GLE1: variants seen among roughly 807,000 people sequenced by gnomAD.
GLE1 encodes GLE1 RNA export mediator.
In GLE1, 78 loss-of-function variants were observed where a neutral mutation model predicts 97.3. The observed-to-expected ratio is 0.80, with a 90% confidence interval of 0.67 to 0.97. The LOEUF (loss-of-function observed/expected upper bound fraction) is 0.97, where lower values mean the gene tolerates loss of function less well. Ranked by LOEUF, GLE1 falls within the 50% of genes least tolerant of loss-of-function variation. The probability of loss-of-function intolerance (pLI) is 0.00; values close to 1 mark genes in which losing one functional copy is unlikely to be tolerated. For missense variants in GLE1, 753 were observed against 857.5 expected (o/e 0.88, Z 1.52); for synonymous variants, 302 against 313.4 (o/e 0.96, Z 0.39).
At chr9:128,530,856 C>T (rs1847477379) in intron 9 of GLE1, among the ~76,000 whole-genome samples, 1 of 147,110 alleles carries the variant, frequency 6.8e-6, no homozygotes, top group African/African-American at 2.5e-5. Context: ...TTGCAGTGCG[C>T]CGAGATAGCA....
At position 128,523,260 on chromosome 9, in the gene GLE1, C is replaced by T; in HGVS notation, c.582-20C>T. The T allele has an allele frequency of 6.3e-7, 1 of 1,584,504 alleles. No homozygotes were observed. Among genetic ancestry groups the T allele is most frequent in the Non-Finnish European group, 8.7e-7 (1 of 1,153,036 alleles). On this transcript the variant is annotated intron_variant, in intron 4 of 15. Coordinates refer to ENST00000309971, the MANE Select transcript of GLE1 (RefSeq NM_001003722.2). ...TCAGGAAGTATCCCTGACTATTCCT[C>T]CCTGCCATTTTTCATGCAGCTCCAG...
intron 6 of GLE1, 67 bp from the exon 7 acceptor site, chr9:128,525,125 T>C: frequency 8.8e-7 from 1 of 1,137,306 alleles, no homozygotes; most frequent in Non-Finnish European, 1.3e-6. Context: ...AGGAAATTTA[T>C]TGACTTGTAT....
Position 128,527,116 on chromosome 9 carries a change from C to T in GLE1, c.1130-63C>T. ...ATACATAAAGTGATTATAACAGTGCCTGCCTCATATTACATGTTCAGTAAA... is the reference window on the plus strand; with the variant it reads ...ATACATAAAGTGATTATAACAGTGCTTGCCTCATATTACATGTTCAGTAAA... On this transcript the variant is annotated intron_variant, in intron 7 of 15. Transcript: ENST00000309971. The T allele has an allele frequency of 4.7e-5, 41 of 863,644 alleles. No individual in the cohort carries two copies. In the South Asian group the frequency reaches 5.6e-4, roughly 12 times the overall value. 53.5% of individuals were successfully genotyped at this position (863,644 alleles called of 1,614,324 possible).
At chr9:128,534,194 G>A (rs545075460) in intron 11 of GLE1, among the ~76,000 whole-genome samples, 2 of 151,960 alleles carry the variant, frequency 1.3e-5, no homozygotes, top group African/African-American at 2.4e-5. Context: ...ATGGAGAAAC[G>A]CCATCTCTAC....
At chr9:128,532,255 TGCTTTGTCACCCAG>T (rs1193974868) in intron 9 of GLE1, among the ~76,000 whole-genome samples, 1 of 139,334 alleles carries the variant, frequency 7.2e-6, no homozygotes, top group Non-Finnish European at 1.5e-5. Context: ...GATGGAGTCT[TGCTTTGTCACCCAG>T]GCTGGAGTGC....
intron 6 of GLE1, among the ~76,000 whole-genome samples, chr9:128,524,150 G>T (rs1847237291): frequency 8.1e-6 from 1 of 124,106 alleles, no homozygotes; most frequent in Non-Finnish European, 1.6e-5. Flanking sequence ...CACAGTCTCA[G>T]CTCATGCAAC....
chr9:128,513,683 C>A (rs1291486845), intron 2 of GLE1, among the ~76,000 whole-genome samples: 2 of 146,324 alleles, frequency 1.4e-5, no homozygotes, highest in African/African-American at 5.1e-5. Flanking sequence ...TATGCCAGCA[C>A]GGGTGATAGA....
In GLE1 at chr9:128,511,705, C is replaced by CA. The variant is rs948313816; in HGVS notation, c.321+2623dup. ...TGGGCGACAGAGCAAGACTCCATCTCAAAAAAAAAAAAAAATTAACGTGAT... is the reference window on the plus strand; with the variant it reads ...TGGGCGACAGAGCAAGACTCCATCTCAAAAAAAAAAAAAAAATTAACGTGAT... On this transcript the variant is annotated intron_variant, in intron 2 of 15. Coordinates refer to ENST00000309971, the MANE Select transcript of GLE1 (RefSeq NM_001003722.2). Among the ~76,000 whole-genome samples, 717 of 86,276 alleles carry CA rather than the reference C, an allele frequency of 8.3e-3. 5 individuals are homozygous for CA. Among genetic ancestry groups the CA allele is most frequent in the African/African-American group, 0.023 (538 of 23,274 alleles). 56.6% of individuals were successfully genotyped at this position (86,276 alleles called of 152,430 possible).
intron 2 of GLE1, among the ~76,000 whole-genome samples, chr9:128,514,444 AC>A (rs1232290272): frequency 2.1e-5 from 3 of 144,476 alleles, no homozygotes; most frequent in African/African-American, 7.8e-5. Flanking sequence ...AGGATAGCAG[AC>A]TTTTTTTTTT....
intron 4 of GLE1, 150 bp from the exon 5 acceptor site, chr9:128,523,130 G>A: frequency 1.3e-6 from 1 of 743,576 alleles, no homozygotes; most frequent in South Asian, 1.4e-5. Flanking sequence ...GGTGAGCTAT[G>A]CTCTGCAGCC....
chr9:128,511,034 G>C (rs1242733304), intron 2 of GLE1, among the ~76,000 whole-genome samples: 2 of 150,778 alleles, frequency 1.3e-5, no homozygotes, highest in Non-Finnish European at 3.0e-5. Context: ...GTGAAACCCT[G>C]TCTCTACTAA....
chr9:128,510,245 T>C (rs954943830), intron 2 of GLE1, among the ~76,000 whole-genome samples: 2 of 151,952 alleles, frequency 1.3e-5, no homozygotes. Flanking sequence ...TTTTTTTTTT[T>C]TGAGACGGAG....
At chr9:128,507,533 G>A (rs572541792) in intron 1 of GLE1, among the ~76,000 whole-genome samples, 10 of 150,802 alleles carry the variant, frequency 6.6e-5, no homozygotes, top group Admixed American at 4.0e-4. Context: ...GCAGTGAGCC[G>A]TGATCACGCC....
chr9:128,527,072 C>T, intron 7 of GLE1, 107 bp from the exon 8 acceptor site: 1 of 721,004 alleles, frequency 1.4e-6, no homozygotes, highest in Non-Finnish European at 2.6e-6. Context: ...GTTATGGTGA[C>T]AGTTAAAGCA....
chr9:128,534,029 C>T (rs1271025495), intron 11 of GLE1, 78 bp downstream of exon 11: 12 of 904,366 alleles, frequency 1.3e-5, no homozygotes, highest in Admixed American at 1.7e-5. Flanking sequence ...TTGTTTTTCC[C>T]TCCTCACAGC....
rs780020849 is a variant in GLE1 at position 128,523,622 on chromosome 9, C to T, written c.673C>T (p.Gln225Ter). 10 of 1,613,996 alleles carry T rather than the reference C, an allele frequency of 6.2e-6. No homozygotes were observed. Among genetic ancestry groups the T allele is most frequent in the Non-Finnish European group, 8.5e-6 (10 of 1,180,038 alleles). The change falls in exon 6 of 16, where the codon CAG becomes TAG. Residue 225 changes from glutamine (Q) to a stop codon, truncating the protein, a stop_gained. Transcript: ENST00000309971. LOFTEE classifies it high-confidence loss of function. ...CAACCTGAAGCTGCGGGAAGCAGAG[C>T]AGCAGCGCGTGAAGCAAGCAGAACA... ...ILNLKLREAE[Q>*]QRVKQAEQER...
At chr9:128,526,115 G>A (rs1416263389) in intron 7 of GLE1, among the ~76,000 whole-genome samples, 7 of 148,878 alleles carry the variant, frequency 4.7e-5, no homozygotes, top group Non-Finnish European at 1.0e-4. Context: ...TCTGCCTCCC[G>A]GGTTCAAACA....
chr9:128,539,582 T>C (rs1442894157), intron 13 of GLE1, 34 bp from the exon 14 acceptor site: 1 of 1,594,074 alleles, frequency 6.3e-7, no homozygotes, highest in South Asian at 1.1e-5. Context: ...GAATTTTCAT[T>C]TTCTGCTCTG....
intron 2 of GLE1, 100 bp downstream of exon 2, chr9:128,509,197 G>C (rs1317327135): frequency 2.6e-6 from 2 of 773,470 alleles, no homozygotes; most frequent in East Asian, 5.0e-5. Flanking sequence ...GGGAAATAAT[G>C]ATTGCTCATT....
Sources: gnomAD v4.1 joint callset for allele counts (sites outside exome capture counted in the v4.1 genomes callset) on GRCh38, gnomAD v4.1.1 for gene constraint, MANE v1.5 for transcripts, NCBI Gene and HGNC (gene_info 2026-07-23, HGNC 2026-07-21) for gene names.